The following DNAJB11 variants were observed in gnomAD, a reference collection of about 807,000 sequenced individuals.
The protein encoded by DNAJB11 is dnaJ homolog subfamily B member 11.
Under a neutral mutation model 47.2 loss-of-function variants are expected in DNAJB11, and 30 were observed. The observed-to-expected ratio is 0.64, with a 90% CI of 0.48 to 0.86. The LOEUF (loss-of-function observed/expected upper bound fraction) is 0.86, where lower values mean the gene tolerates loss of function less well. Among genes scored for constraint, DNAJB11 ranks in the 40% least tolerant of loss-of-function variants. The pLI, the probability that DNAJB11 is intolerant of heterozygous loss-of-function variation, is 0.00. For missense variants in DNAJB11, 357 were observed against 440.2 expected (o/e 0.81, Z 1.69); for synonymous variants, 151 against 159.9 (o/e 0.94, Z 0.42).
At chr3:186,581,191 C>T in intron 4 of DNAJB11, 180 bp from the exon 5 acceptor site, 2 of 571,436 alleles carry the variant, frequency 3.5e-6, no homozygotes, top group Non-Finnish European at 6.0e-6. Context: ...TTGCTTCATT[C>T]CTGTTTGGGG....
At chr3:186,576,777 T>A (rs1300821653) in intron 3 of DNAJB11, among the ~76,000 whole-genome samples, 1 of 152,002 alleles carries the variant, frequency 6.6e-6, no homozygotes, top group Non-Finnish European at 1.5e-5. Flanking sequence ...CCCGCCAGGA[T>A]CAATTTGGCT....
rs201275361 is a variant in DNAJB11, at chr3:186,570,989, A to C, written c.68+24A>C. 3.2e-4 allele frequency: 422 copies of C among 1,324,770 alleles called. 3 individuals carry two copies. The highest frequency in any genetic ancestry group is 3.0e-3 in the South Asian group (239 of 79,902). The allele number at this position is 1,324,770 out of a possible 1,614,324, so 82.1% of individuals were successfully genotyped here. A position where few individuals can be genotyped will look rare whatever the true frequency, so the allele number is the denominator to read the frequency against. ...GGGTGAGGAACAGACACTCGCAGAC[A>C]ACGGGGCCTGTGGGTCAGCCTTTGC... On this transcript the variant is annotated intron_variant, in intron 1 of 9. Coordinates refer to ENST00000265028, the MANE Select transcript of DNAJB11 (RefSeq NM_016306.6).
In DNAJB11 at chr3:186,572,123, C is replaced by T; in HGVS notation, c.97C>T (p.Pro33Ser). 1 of 1,599,756 alleles carries T rather than the reference C, an allele frequency of 6.3e-7. No individual in the cohort carries two copies. The change falls in exon 2 of 10, where the codon CCT becomes TCT. Residue 33 changes from proline (P) to serine (S), a missense_variant. Pro to Ser is a moderately conservative substitution (Grantham distance 74). Coordinates refer to ENST00000265028, the MANE Select transcript of DNAJB11 (RefSeq NM_016306.6). ...AGATTTCTATAAGATCTTGGGGGTGCCTCGAAGTGCCTCTATAAAGGATAT... is the reference window on the plus strand; with the variant it reads ...AGATTTCTATAAGATCTTGGGGGTGTCTCGAAGTGCCTCTATAAAGGATAT... Reference protein sequence around the residue: ...GRDFYKILGVPRSASIKDIKK... With the variant: ...GRDFYKILGVSRSASIKDIKK...
chr3:186,578,707 C>A (rs1227413407), intron 4 of DNAJB11: 1 of 152,120 alleles, frequency 6.6e-6, no homozygotes, highest in Non-Finnish European at 1.5e-5. Flanking sequence ...TCTTTTGCCT[C>A]TTGCTTATTG....
chr3:186,579,117 A>T (rs1715398350), intron 4 of DNAJB11: 1 of 152,260 alleles, frequency 6.6e-6, no homozygotes, highest in Non-Finnish European at 1.5e-5. Flanking sequence ...AAAATAAAAT[A>T]AGAAAGCTGT....
At chr3:186,572,427 C>G (rs1014122627) in intron 2 of DNAJB11, among the ~76,000 whole-genome samples, 176 bp downstream of exon 2, 1 of 152,124 alleles carries the variant, frequency 6.6e-6, no homozygotes, top group Non-Finnish European at 1.5e-5. Context: ...CTGCAACGTC[C>G]ACCTCCTGGG....
intron 2 of DNAJB11, among the ~76,000 whole-genome samples, chr3:186,573,416 G>A (rs1172337639): frequency 6.6e-6 from 1 of 151,844 alleles, no homozygotes; most frequent in South Asian, 2.1e-4. Context: ...ACAGAGTCTC[G>A]CTCTGTCTGC....
Position 186,570,852 on chromosome 3 carries a change from G to A in DNAJB11, c.-46G>A. The A allele has an allele frequency of 6.4e-7, 1 of 1,564,616 alleles. No individual in the cohort carries two copies. The highest frequency in any genetic ancestry group is 8.7e-7 in the Non-Finnish European group (1 of 1,152,168). ...GCTGGCGAGCCGACGCGGCGGCGGA[G>A]GAGGCTGTGAGGAGTGTGTGGAACA... On this transcript the variant is annotated 5_prime_UTR_variant, in exon 1 of 10. Transcript: ENST00000265028.
At chr3:186,576,638 GAAGTAAGAAT>G (rs1415610264) in intron 3 of DNAJB11, among the ~76,000 whole-genome samples, 1 of 149,576 alleles carries the variant, frequency 6.7e-6, no homozygotes, top group African/African-American at 2.5e-5. Context: ...TTCCCCAAAA[GAAGTAAGAAT>G]CACTGTTGCA....
At chr3:186,585,134 G>A (rs1698722708) in intron 9 of DNAJB11, among the ~76,000 whole-genome samples, 1 of 152,178 alleles carries the variant, frequency 6.6e-6, no homozygotes, top group Non-Finnish European at 1.5e-5. Context: ...TATGTGGTAT[G>A]TGGGCCTAAA....
rs1228299196 is a variant in DNAJB11 at position 186,585,660 on chromosome 3, G to C, written c.*252G>C. 1.5e-5 allele frequency: 4 copies of C among 261,568 alleles called. No individual in the cohort carries two copies. The Admixed American group carries it at 2.2e-4, about 14-fold the overall frequency. 16.2% of individuals were successfully genotyped at this position (261,568 alleles called of 1,614,324 possible). On this transcript the variant is annotated 3_prime_UTR_variant, in exon 10 of 10. Transcript: ENST00000265028. The stretch of plus-strand genomic sequence containing the variant: ...TTTAATGTCTGGTGCTGCCGCCTGA[G>C]TTTCAAGAATTAAAGCTGCAAGAGG...
intron 3 of DNAJB11, among the ~76,000 whole-genome samples, chr3:186,577,462 G>T (rs1269469457): frequency 1.3e-5 from 2 of 151,946 alleles, no homozygotes; most frequent in African/African-American, 4.8e-5. Context: ...TTGTAGTAAG[G>T]GACCGTATAG....
rs1328235731 is a variant in DNAJB11, at chr3:186,585,413, G to C, written c.*5G>C. ...AATGGACTGCAAGGATATTGAGAGT[G>C]AATAAAATTGGACTTTGTTTAAAAT... On this transcript the variant is annotated 3_prime_UTR_variant, in exon 10 of 10. Transcript: ENST00000265028. The C allele has an allele frequency of 1.3e-6, 2 of 1,599,954 alleles. No individual in the cohort carries two copies. Among genetic ancestry groups the C allele is most frequent in the Non-Finnish European group, 1.7e-6 (2 of 1,172,460 alleles).
chr3:186,584,557 C>A lies in DNAJB11; in HGVS notation c.980C>A (p.Pro327Gln). 6.3e-7 allele frequency: 1 copy of A among 1,592,852 alleles called. No homozygotes were observed. The highest frequency in any genetic ancestry group is 1.4e-5 in the African/African-American group (1 of 72,184). ...ATAATCACTTTTGATGTGGATTTTC[C>A]AAAAGAACAGTTAACAGAGGAAGCG... ...SLIITFDVDFPKEQLTEEARE... is the reference protein window; with the variant it reads ...SLIITFDVDFQKEQLTEEARE... Residue 327 changes from proline (P) to glutamine (Q), a missense_variant, in exon 9 of 10, where the codon CCA becomes CAA. Physicochemically the swap from Pro to Gln is moderately conservative, Grantham distance 76. Coordinates refer to ENST00000265028, the MANE Select transcript of DNAJB11 (RefSeq NM_016306.6).
chr3:186,581,251 A>ATT (rs954336498), intron 4 of DNAJB11, 120 bp from the exon 5 acceptor site: 17 of 1,145,040 alleles, frequency 1.5e-5, no homozygotes, highest in Non-Finnish European at 2.1e-5. Flanking sequence ...TCTCTGAGGG[A>ATT]TAGATTGCCA....
rs1351138670 is a variant in DNAJB11, at chr3:186,581,392, GC to G, written c.479del (p.Ala160GlufsTer28). On this transcript the variant is annotated frameshift_variant, in exon 5 of 10. Coordinates refer to ENST00000265028, the MANE Select transcript of DNAJB11 (RefSeq NM_016306.6). LOFTEE classifies it high-confidence loss of function. ...FVEVVRNKPVARQAPGKRKCN... is the reference protein window; with the variant it reads ...FVEVVRNKPVXRQAPGKRKCN... ...CTAGGTAGTTAGAAACAAACCTGTG[GC>G]AAGGCAGGCTCCTGGCAAACGGAAG... 1 of 1,613,898 alleles carries G rather than the reference GC, an allele frequency of 6.2e-7. No homozygotes were observed.
At chr3:186,579,107 A>G (rs1234292875) in intron 4 of DNAJB11, 1 of 152,154 alleles carries the variant, frequency 6.6e-6, no homozygotes, top group East Asian at 1.9e-4. Flanking sequence ...AAAAAATTTT[A>G]AAATAAAATA....
chr3:186,583,836 T>A, intron 7 of DNAJB11, 29 bp from the exon 8 acceptor site: 4 of 1,543,734 alleles, frequency 2.6e-6, no homozygotes, highest in Non-Finnish European at 3.6e-6. Context: ...AGTTGGAAAT[T>A]AATGATTTTT....
At chr3:186,581,582 A>G in intron 5 of DNAJB11, 69 bp downstream of exon 5, 1 of 1,551,288 alleles carries the variant, frequency 6.4e-7, no homozygotes, top group Admixed American at 1.8e-5. Context: ...GTCAAACACT[A>G]ATGGTCCATA....
Sources: allele counts gnomAD v4.1 joint callset (sites outside exome capture counted in the v4.1 genomes callset), GRCh38; gene constraint gnomAD v4.1.1; transcripts MANE v1.5; gene names NCBI Gene and HGNC (gene_info 2026-07-23, HGNC 2026-07-21).